L3MBTL1: variants seen among roughly 807,000 people sequenced by gnomAD.
The protein encoded by L3MBTL1 is lethal(3)malignant brain tumor-like protein 1.
L3MBTL1 carries 75 observed loss-of-function variants against 105.3 expected under a neutral mutation model. That is an observed-to-expected ratio of 0.71 (90% CI 0.59 to 0.86). The LOEUF is 0.86. L3MBTL1 is among the 40% of genes least tolerant of loss of function. The pLI is 0.00. For synonymous variants in L3MBTL1, 452 were observed against 436.2 expected, an observed-to-expected ratio of 1.04 and a Z score of -0.45; for missense variants, 1,069 against 1,126.4, an observed-to-expected ratio of 0.95 and a Z score of 0.73.
At chr20:43,523,104 C>T (rs1460469309) in intron 7 of L3MBTL1, among the ~76,000 whole-genome samples, 1 of 150,780 alleles carries the variant, frequency 6.6e-6, no homozygotes, top group South Asian at 2.1e-4. Flanking sequence ...GAGACCCTGT[C>T]TCAAAAAAAA....
chr20:43,530,846 G>T lies in L3MBTL1; in HGVS notation c.1241G>T (p.Arg414Ile). The T allele has an allele frequency of 6.2e-7, 1 of 1,614,174 alleles. No individual in the cohort carries two copies. The highest frequency in any genetic ancestry group is 8.5e-7 in the Non-Finnish European group (1 of 1,180,034). The change falls in exon 11 of 22, where the codon AGA becomes ATA. Residue 414 changes from arginine to isoleucine, a missense_variant. Physicochemically the swap from Arg to Ile is moderately conservative, Grantham distance 97. Coordinates refer to ENST00000418998, the MANE Select transcript of L3MBTL1 (RefSeq NM_001377303.1). Reference sequence around the variant, plus strand: ...TGGAGCCAGTACCTGCGCAGCACAAGAGCTCAGGCTGCCCCCAAGCACCTG... The same window carrying T: ...TGGAGCCAGTACCTGCGCAGCACAATAGCTCAGGCTGCCCCCAAGCACCTG... ...FSWSQYLRST[R>I]AQAAPKHLFV... is the part of the protein sequence containing the mutation.
In L3MBTL1 at chr20:43,530,400, C is replaced by T. The variant is rs567024466; in HGVS notation, c.1173C>T (p.His391=). The change falls in exon 10 of 22, where the codon CAC becomes CAT. Residue 391 remains histidine (H), a synonymous_variant. Coordinates refer to ENST00000418998, the MANE Select transcript of L3MBTL1 (RefSeq NM_001377303.1). ...HPAGWFEKTG[H]KLQPPKGYKE... is the part of the protein sequence containing the mutation. The stretch of plus-strand genomic sequence containing the variant: ...CTGGCTGGTTCGAGAAGACGGGCCA[C>T]AAGCTGCAGCCTCCCAAAGGTAAGG... 2 of 1,614,160 alleles carry T rather than the reference C, an allele frequency of 1.2e-6. No individual in the cohort carries two copies. The highest frequency in any genetic ancestry group is 2.7e-5 in the African/African-American group (2 of 75,046).
At chr20:43,514,600 G>A (rs376613838) in intron 3 of L3MBTL1, 35 bp from the exon 4 acceptor site, 4 of 1,599,548 alleles carry the variant, frequency 2.5e-6, no homozygotes, top group Non-Finnish European at 3.4e-6. Flanking sequence ...GGACCCGTAC[G>A]GGAGTCGCAA....
intron 13 of L3MBTL1, 117 bp downstream of exon 13, chr20:43,533,535 A>C (rs575659398): frequency 9.8e-6 from 8 of 813,284 alleles, no homozygotes; most frequent in Non-Finnish European, 1.5e-5. Flanking sequence ...GTGAGAGAAC[A>C]GACATGTCCT....
intron 7 of L3MBTL1, among the ~76,000 whole-genome samples, chr20:43,518,851 CAAAAAAAAAAAAAA>C (rs34529936): frequency 0.28 from 9,465 of 33,650 alleles, 531 homozygotes; most frequent in Middle Eastern, 0.38. Context: ...ACTAAAAATA[CAAAAAAAAAAAAAA>C]AAAAAAAAAA....
In L3MBTL1 at chr20:43,536,099, A is replaced by G. The variant is rs1047501042; in HGVS notation, c.1928A>G (p.Lys643Arg). Reference sequence around the variant, plus strand: ...AACTGAAGTCTCTTCTTCCCCAGGAAGTGCCCCACTCCTGGTTGCGACGGC... The same window carrying G: ...AACTGAAGTCTCTTCTTCCCCAGGAGGTGCCCCACTCCTGGTTGCGACGGC... ...RTSKYSFHHR[K>R]CPTPGCDGSG... is the part of the protein sequence containing the mutation. The change falls in exon 18 of 22, where the codon AAG (lysine) becomes AGG (arginine). Residue 643 changes from lysine (K) to arginine (R), a missense_variant and splice_region_variant. Lys to Arg is a conservative substitution (Grantham distance 26, BLOSUM62 2). Transcript: ENST00000418998. The G allele has an allele frequency of 3.1e-6, 5 of 1,612,904 alleles. No individual in the cohort carries two copies. Among genetic ancestry groups the G allele is most frequent in the Non-Finnish European group, 4.2e-6 (5 of 1,179,970 alleles).
intron 15 of L3MBTL1, 48 bp from the exon 16 acceptor site, chr20:43,534,780 C>A: frequency 7.1e-7 from 1 of 1,405,534 alleles, no homozygotes. Flanking sequence ...TCTGGCTGAG[C>A]TGGGCTCCAT....
Position 43,536,282 on chromosome 20 carries a change from G to T in L3MBTL1, c.2111G>T (p.Arg704Leu). The T allele has an allele frequency of 6.2e-7, 1 of 1,612,558 alleles. No individual in the cohort carries two copies. Among genetic ancestry groups the T allele is most frequent in the Non-Finnish European group, 8.5e-7 (1 of 1,179,488 alleles). Residue 704 changes from arginine to leucine, a missense_variant, in exon 18 of 22, where the codon CGC becomes CTC. Arg to Leu is a moderately radical substitution (Grantham distance 102, BLOSUM62 -2). Coordinates refer to ENST00000418998, the MANE Select transcript of L3MBTL1 (RefSeq NM_001377303.1). Reference protein sequence around the residue: ...LSGFSPRKKPRHHGRIGRPPK... With the variant: ...LSGFSPRKKPLHHGRIGRPPK... ...GGCTTCTCCCCAAGGAAGAAGCCTC[G>T]CCATCACGGCCGGTATGGAGGCCAG... is the stretch of plus-strand genomic sequence containing the variant.
intron 8 of L3MBTL1, 157 bp downstream of exon 8, chr20:43,528,902 G>A (rs2019176569): frequency 1.5e-6 from 1 of 653,222 alleles, no homozygotes; most frequent in Admixed American, 2.5e-5. Context: ...AGTGGAAAAG[G>A]GCCCCCCATA....
chr20:43,535,283 G>A (rs1181464894), intron 16 of L3MBTL1, among the ~76,000 whole-genome samples: 1 of 152,156 alleles, frequency 6.6e-6, no homozygotes, highest in African/African-American at 2.4e-5. Flanking sequence ...GGACATGATG[G>A]CTTCCTAAAG....
chr20:43,535,886 C>A lies in L3MBTL1; in HGVS notation c.1875C>A (p.Ser625Arg). The A allele has an allele frequency of 6.2e-7, 1 of 1,613,262 alleles. No individual in the cohort carries two copies. Among genetic ancestry groups the A allele is most frequent in the Non-Finnish European group, 8.5e-7 (1 of 1,179,628 alleles). Residue 625 changes from serine to arginine, a missense_variant, in exon 17 of 22, where the codon AGC (serine) becomes AGA (arginine). Coordinates refer to ENST00000418998, the MANE Select transcript of L3MBTL1 (RefSeq NM_001377303.1). ...SASPGGCPPL[S>R]YRSLPHTRTS... is the part of the protein sequence containing the mutation. ...CCCCTGGGGGCTGTCCCCCTCTCAGCTATAGGAGCCTGCCCCACACTAGGA... is the reference window on the plus strand; with the variant it reads ...CCCCTGGGGGCTGTCCCCCTCTCAGATATAGGAGCCTGCCCCACACTAGGA...
At chr20:43,523,098 C>T (rs1037073335) in intron 7 of L3MBTL1, among the ~76,000 whole-genome samples, 2 of 151,598 alleles carry the variant, frequency 1.3e-5, no homozygotes, top group Non-Finnish European at 2.9e-5. Context: ...CAGAGTGAGA[C>T]CCTGTCTCAA....
At position 43,541,742 on chromosome 20, in the gene L3MBTL1, A is replaced by G. The variant is rs942586507; in HGVS notation, c.*614A>G. On this transcript the variant is annotated 3_prime_UTR_variant, in exon 22 of 22. Coordinates refer to ENST00000418998, the MANE Select transcript of L3MBTL1 (RefSeq NM_001377303.1). ...TATGGGACCATGGTTTTAAATGTGG[A>G]ATCATTGACAGAAATGTCTTTATGT... The G allele has an allele frequency of 2.2e-4, 188 of 860,016 alleles. No individual in the cohort carries two copies. The African/African-American group carries it at 3.2e-3, about 15-fold the overall frequency. 53.3% of individuals were successfully genotyped at this position (860,016 alleles called of 1,614,324 possible).
At chr20:43,515,882 A>C in intron 6 of L3MBTL1, 1 of 557,366 alleles carries the variant, frequency 1.8e-6, no homozygotes, top group Non-Finnish European at 3.2e-6. Context: ...AGGCTGTTTA[A>C]TTAGGATGTG....
At chr20:43,512,937 G>A (rs78438887) in intron 1 of L3MBTL1, among the ~76,000 whole-genome samples, 1,950 of 152,284 alleles carry the variant, frequency 0.013, 44 homozygotes, top group African/African-American at 0.045. Flanking sequence ...CTGTGCTTGG[G>A]GTTGGAGGGA....
chr20:43,550,813 C>A (rs1000871557), exon 19 of L3MBTL1: 5 of 152,172 alleles, frequency 3.3e-5, no homozygotes, highest in African/African-American at 1.2e-4. Flanking sequence ...CTTGTGTGTG[C>A]ACATGTGTGT....
At chr20:43,550,895 T>C (rs971189809) in exon 19 of L3MBTL1, 4 of 152,212 alleles carry the variant, frequency 2.6e-5, no homozygotes, top group African/African-American at 9.7e-5. Context: ...ACAAACAAAA[T>C]GTGGTGTGAT....
chr20:43,529,199 C>A, intron 8 of L3MBTL1, 65 bp from the exon 9 acceptor site: 2 of 1,307,110 alleles, frequency 1.5e-6, no homozygotes, highest in Non-Finnish European at 1.1e-6. Flanking sequence ...TCCTTCACCC[C>A]AAGCCCACTA....
chr20:43,518,319 T>C (rs1349726289), intron 7 of L3MBTL1, among the ~76,000 whole-genome samples: 2 of 152,150 alleles, frequency 1.3e-5, no homozygotes, highest in East Asian at 3.9e-4. Flanking sequence ...GAAGAATCTA[T>C]GTTTGAGCTA....
Sources: allele counts gnomAD v4.1 joint callset (sites outside exome capture counted in the v4.1 genomes callset), GRCh38; gene constraint gnomAD v4.1.1; transcripts MANE v1.5; gene names NCBI Gene and HGNC (gene_info 2026-07-23, HGNC 2026-07-21).